PDE3B: variants seen among roughly 807,000 people sequenced by gnomAD.
PDE3B encodes phosphodiesterase 3B.
PDE3B carries 66 observed loss-of-function variants against 116.8 expected under a neutral mutation model. The ratio of observed to expected loss-of-function variants is 0.56; its 90% CI spans 0.46 to 0.69. The LOEUF is 0.69. Ranked by LOEUF, PDE3B falls within the 30% of genes least tolerant of loss-of-function variation. The pLI, the probability that PDE3B is intolerant of heterozygous loss-of-function variation, is 0.00. For missense variants in PDE3B, 1,384 were observed against 1,368.1 expected (o/e 1.01, Z -0.18); for synonymous variants, 595 against 533.6 (o/e 1.12, Z -1.59).
chr11:14,890,778 G>C, the PDE3B span: 1 of 737,236 alleles, frequency 1.4e-6, no homozygotes, highest in Non-Finnish European at 1.7e-6. Context: ...TCGATCTCCT[G>C]ATTTCGTGAT....
intron 1 of PDE3B, among the ~76,000 whole-genome samples, chr11:14,651,069 C>T (rs1353010976): frequency 6.6e-6 from 1 of 152,118 alleles, no homozygotes; most frequent in Non-Finnish European, 1.5e-5. Context: ...AATGAATTGT[C>T]TCAAGTTCTG....
At chr11:14,890,441 C>G in the PDE3B span, 1 of 981,374 alleles carries the variant, frequency 1.0e-6, no homozygotes, top group Non-Finnish European at 1.2e-6. Flanking sequence ...CCTTTATTAT[C>G]TCGTCCAGCT....
chr11:14,808,167 C>A (rs1204800960), intron 5 of PDE3B, among the ~76,000 whole-genome samples: 1 of 151,620 alleles, frequency 6.6e-6, no homozygotes. Context: ...AAAATATAAT[C>A]AAAAACTTAA....
At position 14,661,078 on chromosome 11, in the gene PDE3B, T is replaced by TA. The variant is rs369588951; in HGVS notation, c.978+16027dup. Among the ~76,000 whole-genome samples the TA allele has an allele frequency of 4.5e-3, 682 of 152,298 alleles. 3 individuals are homozygous for TA. Among genetic ancestry groups the TA allele is most frequent in the African/African-American group, 0.015 (607 of 41,576 alleles). On this transcript the variant is annotated intron_variant, in intron 1 of 15. Coordinates refer to ENST00000282096, the MANE Select transcript of PDE3B (RefSeq NM_000922.4). ...CACTTTTACACTGTTGGTGGGACTA[T>TA]AAGTAGTTCAACCATTGTAGAAGAC...
At chr11:14,650,684 T>C (rs10832290) in intron 1 of PDE3B, among the ~76,000 whole-genome samples, 97,345 of 151,874 alleles carry the variant, frequency 0.64, 31,321 homozygotes, top group Middle Eastern at 0.7. Flanking sequence ...CATCCACCCT[T>C]GGGAGGCTGA....
At chr11:14,846,714 A>C (rs1249532140) in intron 12 of PDE3B, among the ~76,000 whole-genome samples, 3 of 152,172 alleles carry the variant, frequency 2.0e-5, no homozygotes, top group Non-Finnish European at 2.9e-5. Flanking sequence ...AACAGACTTT[A>C]AACCAACAAA....
intron 7 of PDE3B, among the ~76,000 whole-genome samples, chr11:14,827,420 A>C (rs541160799): frequency 6.6e-6 from 1 of 152,254 alleles, no homozygotes; most frequent in Admixed American, 6.5e-5. Flanking sequence ...GAAAACCCCG[A>C]AGTCTCGGCC....
chr11:14,850,136 C>T (rs1369965167), intron 12 of PDE3B, among the ~76,000 whole-genome samples: 1 of 152,064 alleles, frequency 6.6e-6, no homozygotes, highest in Non-Finnish European at 1.5e-5. Context: ...GGCACATATA[C>T]ACCATGGAAT....
rs577375225 is a variant in PDE3B at position 14,759,536 on chromosome 11, C to T, written c.979-12401C>T. 4.7e-5 allele frequency among the ~76,000 whole-genome samples: 7 copies of T among 149,616 alleles called. No individual in the cohort carries two copies. In the East Asian group the frequency reaches 1.4e-3, roughly 29 times the overall value. ...CTGCTGCATAAAGTTGTTCCACTGT[C>T]TATCAGAAGTAGTTTTTTTTTTTTT... On this transcript the variant is annotated intron_variant, in intron 1 of 15. Transcript: ENST00000282096.
the PDE3B span, among the ~76,000 whole-genome samples, chr11:14,889,839 A>G: frequency 6.6e-6 from 1 of 152,154 alleles, no homozygotes; most frequent in Admixed American, 6.5e-5. Context: ...ATAGAAACTA[A>G]TAACATAGGC....
At chr11:14,672,600 A>C (rs960719181) in intron 1 of PDE3B, among the ~76,000 whole-genome samples, 11 of 152,178 alleles carry the variant, frequency 7.2e-5, no homozygotes, top group African/African-American at 2.4e-4. Context: ...TTTATCATAT[A>C]ACAACAGGTC....
chr11:14,854,180 C>G (rs1351411596), intron 12 of PDE3B, among the ~76,000 whole-genome samples: 1 of 152,142 alleles, frequency 6.6e-6, no homozygotes, highest in Non-Finnish European at 1.5e-5. Context: ...CCCAGAGACT[C>G]CTGTTACCAT....
intron 1 of PDE3B, among the ~76,000 whole-genome samples, chr11:14,710,134 T>A (rs1341971706): frequency 6.6e-6 from 1 of 152,176 alleles, no homozygotes; most frequent in African/African-American, 2.4e-5. Flanking sequence ...TCTCTGAAGC[T>A]TACCTCTGTA....
chr11:14,687,917 C>A (rs994503487), intron 1 of PDE3B, among the ~76,000 whole-genome samples: 1 of 151,896 alleles, frequency 6.6e-6, no homozygotes, highest in Non-Finnish European at 1.5e-5. Context: ...TTTGAATAAT[C>A]AAAATATATA....
intron 1 of PDE3B, among the ~76,000 whole-genome samples, chr11:14,664,451 C>T (rs1214287272): frequency 6.6e-6 from 1 of 152,164 alleles, no homozygotes; most frequent in Non-Finnish European, 1.5e-5. Flanking sequence ...TCACAAAAAA[C>T]ACTTCAAAAA....
At chr11:14,867,451 T>C (rs1848068031) in intron 14 of PDE3B, 55 bp from the exon 15 acceptor site, 2 of 1,500,730 alleles carry the variant, frequency 1.3e-6, no homozygotes, top group South Asian at 1.2e-5. Flanking sequence ...ACAGCAAAGC[T>C]CAGTGGTGGT....
intron 4 of PDE3B, among the ~76,000 whole-genome samples, chr11:14,794,379 C>T (rs533072897): frequency 6.6e-6 from 1 of 151,000 alleles, no homozygotes; most frequent in African/African-American, 2.4e-5. Context: ...TGCAGTGGCA[C>T]GATCTCTGCC....
chr11:14,705,518 A>G (rs1220481527), intron 1 of PDE3B, among the ~76,000 whole-genome samples: 1 of 151,806 alleles, frequency 6.6e-6, no homozygotes, highest in Non-Finnish European at 1.5e-5. Context: ...CACATGAGGT[A>G]TCTTTTGTTG....
intron 1 of PDE3B, among the ~76,000 whole-genome samples, chr11:14,730,498 GA>G (rs1311296459): frequency 6.6e-6 from 1 of 152,126 alleles, no homozygotes; most frequent in Non-Finnish European, 1.5e-5. Context: ...TTGCATAAGA[GA>G]AAAAGGCATA....
Sources: gnomAD v4.1 joint callset for allele counts (sites outside exome capture counted in the v4.1 genomes callset) on GRCh38, gnomAD v4.1.1 for gene constraint, MANE v1.5 for transcripts, NCBI Gene and HGNC (gene_info 2026-07-23, HGNC 2026-07-21) for gene names.